The following ADAMDEC1 variants were observed in gnomAD, a reference collection of about 807,000 sequenced individuals.
ADAMDEC1 encodes ADAM like decysin 1, also known as ADAM DEC1.
ADAMDEC1 carries 62 observed loss-of-function variants against 60.4 expected under a neutral mutation model. The observed-to-expected ratio is 1.03, with a 90% CI of 0.84 to 1.27. The LOEUF (loss-of-function observed/expected upper bound fraction) is 1.27. ADAMDEC1 is among the 50% of genes most tolerant of loss of function. The pLI, the probability that ADAMDEC1 is intolerant of heterozygous loss-of-function variation, is 0.00. For synonymous variants in ADAMDEC1, 210 were observed against 195.1 expected, an observed-to-expected ratio of 1.08 and a Z score of -0.64; for missense variants, 595 against 565.0, an observed-to-expected ratio of 1.05 and a Z score of -0.54.
rs1412137695 is a variant in ADAMDEC1, at chr8:24,404,092, AG to A, written c.1406+5del. On this transcript the variant is annotated splice_donor_5th_base_variant and intron_variant, in intron 13 of 13. Transcript: ENST00000256412. ...GAGATGCTCCAAACCATACCACGTA[AG>A]ACCTTTTGTTTTCTTTGTTCCAAAA... 2 of 1,612,426 alleles carry A rather than the reference AG, an allele frequency of 1.2e-6. No homozygotes were observed. The highest frequency in any genetic ancestry group is 2.2e-5 in the South Asian group (2 of 90,686).
At chr8:24,400,041 G>T in intron 10 of ADAMDEC1, 129 bp from the exon 11 acceptor site, 2 of 690,526 alleles carry the variant, frequency 2.9e-6, no homozygotes, top group Non-Finnish European at 4.4e-6. Flanking sequence ...TCAACGTTTT[G>T]CAATACACAG....
In ADAMDEC1 at chr8:24,399,418, G is replaced by A; in HGVS notation, c.955G>A (p.Val319Met). Residue 319 changes from valine to methionine, a missense_variant, in exon 10 of 14, where the codon GTG (valine) becomes ATG (methionine). Val to Met is a conservative substitution (Grantham distance 21). Coordinates refer to ENST00000256412, the MANE Select transcript of ADAMDEC1 (RefSeq NM_014479.3). ...CGGGATTAGCTTCAACAATCGACGT[G>A]TGGGACTGGCAGCTTCAAATTCCTT... is the stretch of plus-strand genomic sequence containing the variant. ...LSGISFNNRR[V>M]GLAASNSLCS... 1 of 1,613,962 alleles carries A rather than the reference G, an allele frequency of 6.2e-7. No individual in the cohort carries two copies. The highest frequency in any genetic ancestry group is 1.1e-5 in the South Asian group (1 of 91,082).
Position 24,400,160 on chromosome 8 carries a change from C to A in ADAMDEC1, c.1012-10C>A, listed in dbSNP as rs374876945. 4.2e-4 allele frequency: 654 copies of A among 1,547,192 alleles called. 1 individual carries two copies. The highest frequency in any genetic ancestry group is 5.5e-4 in the Non-Finnish European group (635 of 1,150,326). On this transcript the variant is annotated splice_polypyrimidine_tract_variant and intron_variant, in intron 10 of 13. Coordinates refer to ENST00000256412, the MANE Select transcript of ADAMDEC1 (RefSeq NM_014479.3). ...AAAAAAGAATAAATAAATATATCTA[C>A]TTTTTCCAGGCTAAAAAAAAGAATA...
chr8:24,389,989 C>A, intron 1 of ADAMDEC1: 1 of 317,200 alleles, frequency 3.2e-6, no homozygotes, highest in Non-Finnish European at 6.4e-6. Flanking sequence ...TACTTATCAT[C>A]TTCCAACCTG....
chr8:24,399,318 G>A (rs916671473), intron 9 of ADAMDEC1, 75 bp from the exon 10 acceptor site: 38 of 1,452,506 alleles, frequency 2.6e-5, no homozygotes, highest in Middle Eastern at 1.7e-4. Flanking sequence ...GAGGCAATTC[G>A]TTAATGTAAT....
chr8:24,387,151 G>A (rs1291359179), intron 1 of ADAMDEC1: 1 of 152,204 alleles, frequency 6.6e-6, no homozygotes, highest in African/African-American at 2.4e-5. Context: ...AAAGCAATGA[G>A]TTCACGTACC....
At chr8:24,391,713 A>G (rs1301159305) in intron 1 of ADAMDEC1, among the ~76,000 whole-genome samples, 2 of 152,212 alleles carry the variant, frequency 1.3e-5, no homozygotes, top group Non-Finnish European at 2.9e-5. Context: ...TGGCTTATTG[A>G]CACACTGAGG....
chr8:24,398,008 C>T (rs1055447343), intron 7 of ADAMDEC1, among the ~76,000 whole-genome samples: 7 of 151,238 alleles, frequency 4.6e-5, no homozygotes, highest in South Asian at 2.1e-4. Context: ...ATAAAAGGAA[C>T]GCATTATTAA....
In ADAMDEC1 at chr8:24,393,340, T is replaced by A; in HGVS notation, c.284+2T>A. On this transcript the variant is annotated splice_donor_variant, in intron 3 of 13. Transcript: ENST00000256412. LOFTEE classifies it high-confidence loss of function. ...CATTCTCTCCCTACAAAAAACCAAG[T>A]AAGTTGTACCTCCTAAAAGTCTAAT... The A allele has an allele frequency of 6.3e-7, 1 of 1,580,450 alleles. No individual in the cohort carries two copies. The highest frequency in any genetic ancestry group is 8.7e-7 in the Non-Finnish European group (1 of 1,154,790).
At chr8:24,400,052 T>C (rs756063387) in intron 10 of ADAMDEC1, 118 bp from the exon 11 acceptor site, 8 of 789,006 alleles carry the variant, frequency 1.0e-5, no homozygotes, top group African/African-American at 3.5e-5. Flanking sequence ...CAATACACAG[T>C]GACAGGGAAA....
chr8:24,399,786 A>G (rs1402371129), intron 10 of ADAMDEC1, among the ~76,000 whole-genome samples: 1 of 152,160 alleles, frequency 6.6e-6, no homozygotes, highest in Non-Finnish European at 1.5e-5. Flanking sequence ...CCCAGTATCT[A>G]TGGCCAGAGA....
intron 4 of ADAMDEC1, among the ~76,000 whole-genome samples, chr8:24,395,131 C>T (rs1045137896): frequency 6.6e-6 from 1 of 152,168 alleles, no homozygotes; most frequent in African/African-American, 2.4e-5. Context: ...AATTTTGTGT[C>T]TTTGAGGCTG....
At position 24,386,809 on chromosome 8, in the gene ADAMDEC1, C is replaced by T. The variant is rs543452555; in HGVS notation, c.88+2217C>T. Among the ~76,000 whole-genome samples, 15 of 152,302 alleles carry T rather than the reference C, an allele frequency of 9.8e-5. No individual in the cohort carries two copies. The East Asian group carries it at 1.9e-3, about 20-fold the overall frequency. On this transcript the variant is annotated intron_variant, in intron 1 of 13. Coordinates refer to ENST00000256412, the MANE Select transcript of ADAMDEC1 (RefSeq NM_014479.3). ...TTTCTCTCTCCTGCCGGGTCTGTCCCGCAGACCCTGGCTGACCGATGAAGT... is the reference window on the plus strand; with the variant it reads ...TTTCTCTCTCCTGCCGGGTCTGTCCTGCAGACCCTGGCTGACCGATGAAGT...
chr8:24,400,342 A>AT, intron 11 of ADAMDEC1, 42 bp downstream of exon 11: 1 of 1,555,302 alleles, frequency 6.4e-7, no homozygotes. Flanking sequence ...TATTTTCCAA[A>AT]TCTTTTTTTT....
intron 1 of ADAMDEC1, 53 bp from the exon 2 acceptor site, chr8:24,392,209 C>A: frequency 7.0e-7 from 1 of 1,427,010 alleles, no homozygotes; most frequent in Non-Finnish European, 9.6e-7. Flanking sequence ...CACAACACGA[C>A]TAAAACCAAA....
At chr8:24,385,744 GT>G (rs370348245) in intron 1 of ADAMDEC1, among the ~76,000 whole-genome samples, 106 of 152,244 alleles carry the variant, frequency 7.0e-4, no homozygotes, top group African/African-American at 2.3e-3. Flanking sequence ...ACAGAGAAGA[GT>G]TTAAAATAGA....
At chr8:24,391,051 C>T (rs892541291) in intron 1 of ADAMDEC1, among the ~76,000 whole-genome samples, 1 of 152,144 alleles carries the variant, frequency 6.6e-6, no homozygotes, top group African/African-American at 2.4e-5. Flanking sequence ...AATAAAAGAT[C>T]ATTTACTCAT....
chr8:24,386,710 T>A (rs1226658125), intron 1 of ADAMDEC1, among the ~76,000 whole-genome samples: 3 of 152,178 alleles, frequency 2.0e-5, no homozygotes, highest in Non-Finnish European at 4.4e-5. Flanking sequence ...ATCATTCCCA[T>A]CAGCATATAA....
intron 1 of ADAMDEC1, chr8:24,390,273 C>G (rs1177820404): frequency 7.7e-6 from 7 of 913,276 alleles, no homozygotes; most frequent in Non-Finnish European, 1.0e-5. Context: ...ATTTTTTCTT[C>G]TATGTGAAAA....
Sources: allele counts gnomAD v4.1 joint callset (sites outside exome capture counted in the v4.1 genomes callset), GRCh38; gene constraint gnomAD v4.1.1; transcripts MANE v1.5; gene names NCBI Gene and HGNC (gene_info 2026-07-23, HGNC 2026-07-21).